The following CHMP1A variants were observed in gnomAD, a reference collection of about 807,000 sequenced individuals.
The protein encoded by CHMP1A is VPS46 homolog A.
CHMP1A carries 17 observed loss-of-function variants against 27.0 expected under a neutral mutation model. The observed-to-expected ratio is 0.63, with a 90% CI of 0.43 to 0.95. The LOEUF (loss-of-function observed/expected upper bound fraction) is 0.95. Among genes scored for constraint, CHMP1A ranks in the 40% least tolerant of loss-of-function variants. The probability of loss-of-function intolerance (pLI) is 0.00; values close to 1 mark genes in which losing one functional copy is unlikely to be tolerated. For synonymous variants in CHMP1A, 131 were observed against 107.5 expected, an observed-to-expected ratio of 1.22 and a Z score of -1.35; for missense variants, 275 against 264.0, an observed-to-expected ratio of 1.04 and a Z score of -0.29.
At chr16:89,647,401 C>A (rs1015582764) in intron 4 of CHMP1A, 70 bp from the exon 5 acceptor site, 2 of 1,457,754 alleles carry the variant, frequency 1.4e-6, no homozygotes, top group Admixed American at 3.8e-5. Flanking sequence ...AGGGACGGGT[C>A]CCCTGGACTC....
At chr16:89,647,381 C>T (rs2059783614) in intron 4 of CHMP1A, 50 bp from the exon 5 acceptor site, 3 of 1,561,720 alleles carry the variant, frequency 1.9e-6, no homozygotes, top group African/African-American at 2.7e-5. Context: ...GCAAGTGGAG[C>T]TCACGCACCA....
At chr16:89,650,508 T>G (rs1307183882) in intron 3 of CHMP1A, among the ~76,000 whole-genome samples, 1 of 151,984 alleles carries the variant, frequency 6.6e-6, no homozygotes, top group Non-Finnish European at 1.5e-5. Flanking sequence ...AGGAGAGAGC[T>G]AAAAATGATA....
chr16:89,653,939 G>T lies in CHMP1A; in HGVS notation c.8-16C>A. 6.2e-7 allele frequency: 1 copy of T among 1,613,348 alleles called. No individual in the cohort carries two copies. Among genetic ancestry groups the T allele is most frequent in the Non-Finnish European group, 8.5e-7 (1 of 1,179,406 alleles). ...AACAGGGTATCTGCAAAGAAAGAGGGAATTAATGGTTTGAGGATTGGGAAT... is the reference window on the plus strand; with the variant it reads ...AACAGGGTATCTGCAAAGAAAGAGGTAATTAATGGTTTGAGGATTGGGAAT... On this transcript the variant is annotated splice_polypyrimidine_tract_variant and intron_variant, in intron 1 of 6. Transcript: ENST00000397901.
At chr16:89,654,068 C>T (rs2059845357) in intron 1 of CHMP1A, 145 bp from the exon 2 acceptor site, 4 of 860,802 alleles carry the variant, frequency 4.6e-6, no homozygotes, top group Non-Finnish European at 7.7e-6. Context: ...TCGGGGAGCC[C>T]CCCCCAACAG....
At chr16:89,656,559 G>A (rs377665248) in intron 1 of CHMP1A, among the ~76,000 whole-genome samples, 25 of 152,340 alleles carry the variant, frequency 1.6e-4, no homozygotes, top group African/African-American at 5.8e-4. Context: ...CAGCCGGCTA[G>A]CCCCAGATGT....
chr16:89,647,252 A>G lies in CHMP1A; in HGVS notation c.332T>C (p.Val111Ala). ...CACCTGCTGCTCGAACCTGTCCATC[A>G]CTGAGGAGACCTTCTGCAGGTCCAT... Reference protein sequence around the residue: ...STMDLQKVSSVMDRFEQQVQN... With the variant: ...STMDLQKVSSAMDRFEQQVQN... Residue 111 changes from valine to alanine, a missense_variant, in exon 5 of 7, where the codon GTG becomes GCG. Physicochemically the swap from Val to Ala is moderately conservative, Grantham distance 64. Transcript: ENST00000397901. The G allele has an allele frequency of 6.2e-7, 1 of 1,610,560 alleles. No individual in the cohort carries two copies. Among genetic ancestry groups the G allele is most frequent in the Non-Finnish European group, 8.5e-7 (1 of 1,178,686 alleles).
rs1453779970 is a variant in CHMP1A at position 89,654,833 on chromosome 16, C to T, written c.8-910G>A. ...TGGCGGGCGCCTGTAGTCCCAGCTA[C>T]TCAGGAGGCTGAGGCAGGAGAATGG... On this transcript the variant is annotated intron_variant, in intron 1 of 6. Coordinates refer to ENST00000397901, the MANE Select transcript of CHMP1A (RefSeq NM_002768.5). 3.9e-5 allele frequency among the ~76,000 whole-genome samples: 6 copies of T among 152,018 alleles called. No homozygotes were observed. The East Asian group carries it at 1.2e-3, about 29-fold the overall frequency.
intron 3 of CHMP1A, among the ~76,000 whole-genome samples, chr16:89,651,021 C>A (rs77152721): frequency 3.5e-4 from 54 of 152,238 alleles, no homozygotes; most frequent in African/African-American, 1.2e-3. Context: ...ACACACAGCA[C>A]CTCCCTTCCT....
intron 2 of CHMP1A, among the ~76,000 whole-genome samples, chr16:89,653,617 C>T (rs1205010887): frequency 5.9e-5 from 5 of 84,038 alleles, no homozygotes; most frequent in East Asian, 7.8e-4. Context: ...AGTGAGACGC[C>T]GTCTCAAAAA....
chr16:89,657,235 G>A (rs1315768620), intron 1 of CHMP1A, among the ~76,000 whole-genome samples: 1 of 149,994 alleles, frequency 6.7e-6, no homozygotes, highest in Admixed American at 6.6e-5. Context: ...CCGGGTCGGG[G>A]ATCGAGGGTC....
chr16:89,646,754 G>C, intron 5 of CHMP1A, 40 bp from the exon 6 acceptor site: 1 of 1,584,680 alleles, frequency 6.3e-7, no homozygotes, highest in East Asian at 2.3e-5. Context: ...GGTGGGGCCA[G>C]GCCCATGGGG....
chr16:89,653,424 T>A (rs1455296535), intron 2 of CHMP1A, among the ~76,000 whole-genome samples: 2 of 149,782 alleles, frequency 1.3e-5, no homozygotes, highest in African/African-American at 2.4e-5. Flanking sequence ...ATCGAGACCA[T>A]CCTGGCCAAC....
chr16:89,657,550 C>G (rs1467982184), intron 1 of CHMP1A, 32 bp downstream of exon 1: 2 of 1,609,514 alleles, frequency 1.2e-6, no homozygotes, highest in Non-Finnish European at 1.7e-6. Flanking sequence ...GCCCCGCGCG[C>G]GAGTCCCCGG....
At chr16:89,649,564 G>GT in intron 3 of CHMP1A, 67 bp from the exon 4 acceptor site, 1 of 1,583,182 alleles carries the variant, frequency 6.3e-7, no homozygotes, top group East Asian at 2.3e-5. Context: ...TAGGAGCCCA[G>GT]TTTTTGTTTT....
At chr16:89,647,036 T>C in intron 5 of CHMP1A, 167 bp downstream of exon 5, 1 of 1,522,426 alleles carries the variant, frequency 6.6e-7, no homozygotes. Context: ...CCACCCTACC[T>C]GTCAGGGTCC....
At chr16:89,657,384 G>C (rs1446869238) in intron 1 of CHMP1A, among the ~76,000 whole-genome samples, 198 bp downstream of exon 1, 1 of 149,348 alleles carries the variant, frequency 6.7e-6, no homozygotes, top group African/African-American at 2.5e-5. Context: ...CCGGGTCGGG[G>C]ATCGGGGGAC....
At chr16:89,646,847 ACTCT>A (rs1194483710) in intron 5 of CHMP1A, 133 bp from the exon 6 acceptor site, 44 of 1,107,048 alleles carry the variant, frequency 4.0e-5, no homozygotes, top group East Asian at 2.6e-4. Context: ...TCTCTCAGTG[ACTCT>A]CTCTGTCTCA....
chr16:89,652,890 G>A lies in CHMP1A; in HGVS notation c.27+1014C>T, dbSNP rs77884786. ...GCACGGAAACCTGCCCTGGATTACC[G>A]GAAGCTGCAACCTCCACCCCACGTG... On this transcript the variant is annotated intron_variant, in intron 2 of 6. Coordinates refer to ENST00000397901, the MANE Select transcript of CHMP1A (RefSeq NM_002768.5). 0.024 allele frequency among the ~76,000 whole-genome samples: 3,722 copies of A among 152,236 alleles called. 674 individuals are homozygous for A. In the East Asian group the frequency reaches 0.5, roughly 21 times the overall value.
rs374177476 is a variant in CHMP1A at position 89,653,602 on chromosome 16, G to A, written c.27+302C>T. 2.5e-4 allele frequency among the ~76,000 whole-genome samples: 33 copies of A among 132,318 alleles called. No homozygotes were observed. In the East Asian group the frequency reaches 6.5e-3, roughly 26 times the overall value. The allele number at this position is 132,318 out of a possible 152,430, so 86.8% of individuals were successfully genotyped here. On this transcript the variant is annotated intron_variant, in intron 2 of 6. Transcript: ENST00000397901. ...CACGCCAATGCACTCCAGCCTGGGC[G>A]ACGGAGTGAGACGCCGTCTCAAAAA...
Sources: allele counts gnomAD v4.1 joint callset (sites outside exome capture counted in the v4.1 genomes callset), GRCh38; gene constraint gnomAD v4.1.1; transcripts MANE v1.5; gene names NCBI Gene and HGNC (gene_info 2026-07-23, HGNC 2026-07-21).